Variants in PPWD1 observed in about 807,000 individuals in gnomAD.
PPWD1 encodes the protein peptidylprolyl isomerase domain and WD repeat-containing protein 1.
A neutral mutation model predicts 68.8 loss-of-function variants in PPWD1; 43 were observed. The observed-to-expected ratio is 0.62, with a 90% confidence interval of 0.49 to 0.81. PPWD1 has a LOEUF of 0.81. Ranked by LOEUF, PPWD1 falls within the 30% of genes least tolerant of loss-of-function variation. PPWD1 has a pLI of 0.00. For missense variants in PPWD1, 672 were observed against 804.8 expected, an observed-to-expected ratio of 0.83 and a Z score of 2.00; for synonymous variants, 232 against 258.7, an observed-to-expected ratio of 0.90 and a Z score of 0.99.
rs1752394865 is a variant in PPWD1, at chr5:65,563,380, A to G, written c.70A>G (p.Lys24Glu). Residue 24 changes from lysine to glutamate, a missense_variant, in exon 1 of 11, where the codon AAA (lysine) becomes GAA (glutamate). Lys to Glu is a moderately conservative substitution (Grantham distance 56). Around this residue, in one of 2 missense-constraint regions of PPWD1, gnomAD observed 188 missense variants for 158.6 expected, o/e 1.19. Transcript: ENST00000261308. ...GCGCCGGGACCCGGAGGAACCGGAA[A>G]AAACAGAACTCAGCGAAAGAGAGCT... ...RRRRDPEEPE[K>E]TELSERELAV... 6.2e-7 allele frequency: 1 copy of G among 1,614,198 alleles called. No homozygotes were observed. The highest frequency in any genetic ancestry group is 8.5e-7 in the Non-Finnish European group (1 of 1,180,032).
At chr5:65,576,468 C>G (rs154946) in intron 5 of PPWD1, 134,495 of 448,570 alleles carry the variant, frequency 0.3, 21,559 homozygotes, top group African/African-American at 0.39. Flanking sequence ...CGTCTGCCTC[C>G]TAGGTTCAAG....
chr5:65,582,892 C>A, intron 7 of PPWD1, 146 bp from the exon 8 acceptor site: 1 of 1,075,774 alleles, frequency 9.3e-7, no homozygotes, highest in Non-Finnish European at 1.2e-6. Context: ...CTGACACATC[C>A]TGTATGGGAA....
At chr5:65,580,914 C>T (rs1440017818) in intron 7 of PPWD1, among the ~76,000 whole-genome samples, 3 of 152,122 alleles carry the variant, frequency 2.0e-5, no homozygotes, top group Admixed American at 2.0e-4. Flanking sequence ...GTGTGAACAT[C>T]AATAATTTAT....
intron 5 of PPWD1, 106 bp downstream of exon 5, chr5:65,572,392 T>C: frequency 8.5e-7 from 1 of 1,183,356 alleles, no homozygotes; most frequent in African/African-American, 1.6e-5. Flanking sequence ...TAGATAGACT[T>C]ATTTTTTTCT....
intron 4 of PPWD1, 27 bp from the exon 5 acceptor site, chr5:65,571,812 T>C: frequency 6.3e-7 from 1 of 1,598,184 alleles, no homozygotes; most frequent in Admixed American, 1.7e-5. Context: ...ACCTTTTTTT[T>C]TCCCTCTCAA....
intron 1 of PPWD1, chr5:65,563,787 C>A: frequency 2.0e-6 from 3 of 1,495,154 alleles, no homozygotes; most frequent in Non-Finnish European, 2.7e-6. Flanking sequence ...TGGCTCCTCT[C>A]ATTTACTCCC....
intron 7 of PPWD1, among the ~76,000 whole-genome samples, chr5:65,580,203 A>C (rs1753530706): frequency 6.6e-6 from 1 of 152,216 alleles, no homozygotes; most frequent in African/African-American, 2.4e-5. Context: ...GAAAATCAAA[A>C]GTATAGAGAC....
Position 65,577,084 on chromosome 5 carries a change from G to A in PPWD1, c.1160+15G>A. The A allele has an allele frequency of 6.3e-7, 1 of 1,597,394 alleles. No individual in the cohort carries two copies. The highest frequency in any genetic ancestry group is 1.1e-5 in the South Asian group (1 of 89,286). ...GAGACAAACCGGTAAGCTTTAATATGAGGTATGTTTTTTAAAAATGTGTTT... is the reference window on the plus strand; with the variant it reads ...GAGACAAACCGGTAAGCTTTAATATAAGGTATGTTTTTTAAAAATGTGTTT... On this transcript the variant is annotated intron_variant, in intron 6 of 10. Transcript: ENST00000261308.
intron 5 of PPWD1, among the ~76,000 whole-genome samples, chr5:65,573,468 TA>T (rs1753108520): frequency 1.4e-5 from 1 of 69,686 alleles, no homozygotes; most frequent in African/African-American, 6.7e-5. Context: ...AATATATATA[TA>T]TATATATTTT....
intron 1 of PPWD1, among the ~76,000 whole-genome samples, chr5:65,564,500 T>C (rs1752598945): frequency 6.6e-6 from 1 of 152,108 alleles, no homozygotes; most frequent in Admixed American, 6.5e-5. Flanking sequence ...TTTGTATTTT[T>C]AGTAGGGACG....
chr5:65,579,826 T>C (rs1753517245), intron 7 of PPWD1, among the ~76,000 whole-genome samples: 2 of 152,256 alleles, frequency 1.3e-5, no homozygotes, highest in South Asian at 4.1e-4. Flanking sequence ...TTGAAATTTT[T>C]CAACCTCGTT....
chr5:65,563,680 A>G (rs1483709432), intron 1 of PPWD1, 174 bp downstream of exon 1: 1 of 1,349,728 alleles, frequency 7.4e-7, no homozygotes, highest in East Asian at 2.5e-5. Context: ...TAGTGATTTA[A>G]GCGTAGTACA....
chr5:65,574,123 C>A (rs774187778), intron 5 of PPWD1, among the ~76,000 whole-genome samples: 7 of 152,170 alleles, frequency 4.6e-5, no homozygotes, highest in Non-Finnish European at 5.9e-5. Context: ...TCTGTCAACT[C>A]TTTCTAGTGG....
intron 1 of PPWD1, 36 bp from the exon 2 acceptor site, chr5:65,567,476 TA>T: frequency 1.3e-6 from 2 of 1,561,246 alleles, no homozygotes; most frequent in African/African-American, 1.4e-5. Flanking sequence ...GTTTATTTGT[TA>T]AAAATAGATC....
intron 8 of PPWD1, among the ~76,000 whole-genome samples, chr5:65,583,741 C>A (rs1012105834): frequency 6.6e-6 from 1 of 151,468 alleles, no homozygotes; most frequent in Non-Finnish European, 1.5e-5. Flanking sequence ...TGGAGGCCAG[C>A]AGTTTGAGAC....
chr5:65,563,845 CA>C, intron 1 of PPWD1: 1 of 1,485,994 alleles, frequency 6.7e-7, no homozygotes, highest in Non-Finnish European at 9.1e-7. Flanking sequence ...TTTAGGTATG[CA>C]AAAGGGTACC....
Position 65,578,076 on chromosome 5 carries a change from T to C in PPWD1, c.1160+1007T>C, listed in dbSNP as rs138676513. ...CTCCATAGTTTTGCCTCTTCCAGAA[T>C]GTGATATAGCTAAAATCATACAGTA... On this transcript the variant is annotated intron_variant, in intron 6 of 10. Coordinates refer to ENST00000261308, the MANE Select transcript of PPWD1 (RefSeq NM_015342.4). 3.0e-3 allele frequency among the ~76,000 whole-genome samples: 461 copies of C among 152,360 alleles called. 2 individuals carry two copies. The highest frequency in any genetic ancestry group is 6.8e-3 in the Middle Eastern group (2 of 294).
intron 2 of PPWD1, chr5:65,569,101 C>T (rs1581149599): frequency 2.3e-6 from 1 of 436,682 alleles, no homozygotes; most frequent in East Asian, 7.0e-5. Context: ...AAGTACCTGA[C>T]ATATACTGGG....
intron 4 of PPWD1, 32 bp downstream of exon 4, chr5:65,570,030 CT>C: frequency 6.5e-7 from 1 of 1,546,940 alleles, no homozygotes; most frequent in Middle Eastern, 1.7e-4. Context: ...TATATTTTAA[CT>C]TATTGAAGTA....
Sources: allele counts gnomAD v4.1 joint callset (sites outside exome capture counted in the v4.1 genomes callset), GRCh38; gene constraint gnomAD v4.1.1; regional missense constraint gnomAD v4.1.1; transcripts MANE v1.5; gene names NCBI Gene and HGNC (gene_info 2026-07-23, HGNC 2026-07-21).